PPDPFL: variants seen among roughly 807,000 people sequenced by gnomAD.
The protein encoded by PPDPFL is pancreatic progenitor cell differentiation and proliferation factor-like protein.
PPDPFL carries 12 observed loss-of-function variants against 12.6 expected under a neutral mutation model. The observed-to-expected ratio is 0.95, with a 90% CI of 0.61 to 1.54. The LOEUF (loss-of-function observed/expected upper bound fraction) is 1.54. PPDPFL is among the 40% of genes most tolerant of loss of function. PPDPFL has a pLI of 0.00. For synonymous variants in PPDPFL, 24 were observed against 32.7 expected, an observed-to-expected ratio of 0.73 and a Z score of 0.91; for missense variants, 114 against 96.0, an observed-to-expected ratio of 1.19 and a Z score of -0.78.
At chr8:49,060,063 G>C (rs903854974) in intron 1 of PPDPFL, among the ~76,000 whole-genome samples, 1 of 152,186 alleles carries the variant, frequency 6.6e-6, no homozygotes, top group African/African-American at 2.4e-5. Flanking sequence ...AAAGAACACT[G>C]TAGTTGAACA....
At chr8:49,069,706 G>T (rs1166086086), upstream of PPDPFL, among the ~76,000 whole-genome samples, 1 of 152,176 alleles carries the variant, frequency 6.6e-6, no homozygotes, top group Non-Finnish European at 1.5e-5. Flanking sequence ...GGAGGCCAAG[G>T]CGGGCAGATC....
chr8:49,054,824 C>T (rs925564076), intron 1 of PPDPFL, among the ~76,000 whole-genome samples: 1 of 152,158 alleles, frequency 6.6e-6, no homozygotes, highest in African/African-American at 2.4e-5. Flanking sequence ...AGCATTATCA[C>T]TCAAAGGCAT....
intron 1 of PPDPFL, among the ~76,000 whole-genome samples, chr8:49,056,008 T>C (rs1305529997): frequency 6.6e-6 from 1 of 152,168 alleles, no homozygotes; most frequent in East Asian, 1.9e-4. Context: ...TTTTGATAAC[T>C]TCAGAGTCCT....
chr8:49,061,831 AG>A (rs1279210869), intron 1 of PPDPFL, among the ~76,000 whole-genome samples: 1 of 152,220 alleles, frequency 6.6e-6, no homozygotes, highest in Non-Finnish European at 1.5e-5. Flanking sequence ...TGCTTCTCCA[AG>A]GGGAAGGCCT....
At chr8:49,064,743 T>C (rs961351463) in intron 1 of PPDPFL, among the ~76,000 whole-genome samples, 3 of 152,214 alleles carry the variant, frequency 2.0e-5, no homozygotes, top group African/African-American at 7.2e-5. Context: ...AGATGCACTC[T>C]GCATTTCATA....
intron 1 of PPDPFL, 142 bp downstream of exon 1, chr8:49,072,624 A>T: frequency 6.7e-6 from 3 of 446,998 alleles, no homozygotes; most frequent in Non-Finnish European, 1.2e-5. Flanking sequence ...GCATCTTTTT[A>T]TTGCAGTATA....
rs1339170708 is a variant in PPDPFL at position 49,075,396 on chromosome 8, A to T, written c.*223A>T. ...TTTATGAGACAAGATCACAGCAGCC[A>T]CTGATATAAAAAAAGTTTAGGCATT... On this transcript the variant is annotated 3_prime_UTR_variant, in exon 5 of 5. Transcript: ENST00000522267. 1.1e-6 allele frequency: 1 copy of T among 924,312 alleles called. No homozygotes were observed. The allele number at this position is 924,312 out of a possible 1,614,324, so 57.3% of individuals were successfully genotyped here. A position where few individuals can be genotyped will look rare whatever the true frequency, so the allele number is the denominator to read the frequency against.
At chr8:49,055,057 G>C (rs371825383) in intron 1 of PPDPFL, among the ~76,000 whole-genome samples, 1 of 152,176 alleles carries the variant, frequency 6.6e-6, no homozygotes, top group Non-Finnish European at 1.5e-5. Context: ...TGAACTCATA[G>C]AGTTTTCCTA....
chr8:49,057,381 T>C, intron 1 of PPDPFL, among the ~76,000 whole-genome samples: 1 of 152,140 alleles, frequency 6.6e-6, no homozygotes, highest in East Asian at 1.9e-4. Flanking sequence ...AATTAAAAGT[T>C]AAAACAAACT....
chr8:49,054,895 C>T (rs1052631361), intron 1 of PPDPFL, among the ~76,000 whole-genome samples: 2 of 152,098 alleles, frequency 1.3e-5, no homozygotes, highest in African/African-American at 4.8e-5. Flanking sequence ...GTAGGGCAGG[C>T]TCACTTTGCC....
intron 1 of PPDPFL, chr8:49,054,390 T>C (rs1413856757): frequency 1.3e-5 from 2 of 152,188 alleles, no homozygotes; most frequent in Admixed American, 6.6e-5. Flanking sequence ...TTTCTCTTCC[T>C]TATGATTTTT....
upstream of PPDPFL, among the ~76,000 whole-genome samples, chr8:49,069,109 T>C (rs529696736): frequency 9.9e-5 from 15 of 152,194 alleles, no homozygotes; most frequent in Admixed American, 2.0e-4. Context: ...GGTAAAACGT[T>C]AGTAATGATA....
At position 49,072,856 on chromosome 8, in the gene PPDPFL, G is replaced by A; in HGVS notation, c.26G>A (p.Cys9Tyr). 1 of 1,606,416 alleles carries A rather than the reference G, an allele frequency of 6.2e-7. No individual in the cohort carries two copies. Among genetic ancestry groups the A allele is most frequent in the Non-Finnish European group, 8.5e-7 (1 of 1,177,062 alleles). Residue 9 changes from cysteine (C) to tyrosine (Y), a missense_variant, in exon 2 of 5, where the codon TGC (cysteine) becomes TAC (tyrosine). Transcript: ENST00000522267. MASVPSIG[C>Y]LLARNQYYRK... ...ATGGCATCCGTACCTTCCATTGGTT[G>A]CCTTCTAGCCAGAAATCAGTATTAT...
At chr8:49,064,256 TG>T (rs1404075687) in intron 1 of PPDPFL, among the ~76,000 whole-genome samples, 1 of 152,036 alleles carries the variant, frequency 6.6e-6, no homozygotes, top group Non-Finnish European at 1.5e-5. Flanking sequence ...GTGTGACCAG[TG>T]GTACAGAAAG....
At chr8:49,074,414 C>G in intron 4 of PPDPFL, 81 bp downstream of exon 4, 1 of 1,574,226 alleles carries the variant, frequency 6.4e-7, no homozygotes, top group Non-Finnish European at 8.7e-7. Context: ...ATGCTACTCA[C>G]TTAGGGTACA....
chr8:49,063,480 G>A (rs1347734977), intron 1 of PPDPFL, among the ~76,000 whole-genome samples: 1 of 152,198 alleles, frequency 6.6e-6, no homozygotes, highest in Non-Finnish European at 1.5e-5. Context: ...AGCACTTTGG[G>A]AGGCTGTGGC....
At chr8:49,070,440 C>T (rs1307285426), upstream of PPDPFL, among the ~76,000 whole-genome samples, 2 of 152,088 alleles carry the variant, frequency 1.3e-5, no homozygotes, top group Non-Finnish European at 2.9e-5. Context: ...TTCCTAAACA[C>T]TCAAGAAATG....
At chr8:49,065,425 T>C (rs1808278910) in intron 1 of PPDPFL, among the ~76,000 whole-genome samples, 1 of 152,194 alleles carries the variant, frequency 6.6e-6, no homozygotes, top group Non-Finnish European at 1.5e-5. Context: ...AGTGTTTTTA[T>C]AGCATGATTA....
At chr8:49,069,156 A>T (rs1808342787), upstream of PPDPFL, among the ~76,000 whole-genome samples, 1 of 152,242 alleles carries the variant, frequency 6.6e-6, no homozygotes, top group Non-Finnish European at 1.5e-5. Flanking sequence ...AGACAATATT[A>T]TAATCGTGAT....
Sources: gnomAD v4.1 joint callset for allele counts (sites outside exome capture counted in the v4.1 genomes callset) on GRCh38, gnomAD v4.1.1 for gene constraint, MANE v1.5 for transcripts, NCBI Gene and HGNC (gene_info 2026-07-23, HGNC 2026-07-21) for gene names.